The following ZRANB1 variants were observed in gnomAD, a reference collection of about 807,000 sequenced individuals.
ZRANB1 encodes the protein ubiquitin thioesterase ZRANB1.
Under a neutral mutation model 80.5 loss-of-function variants are expected in ZRANB1, and 16 were observed. The observed-to-expected ratio is 0.20, with a 90% CI of 0.13 to 0.30. The LOEUF (loss-of-function observed/expected upper bound fraction) is 0.30, where lower values mean the gene tolerates loss of function less well. ZRANB1 is among the 10% of genes least tolerant of loss of function. ZRANB1 has a pLI of 1.00. For synonymous variants in ZRANB1, 291 were observed against 293.1 expected (o/e 0.99, Z 0.07); for missense variants, 576 against 862.6 (o/e 0.67, Z 4.16).
chr10:124,972,557 T>C (rs1564965102), intron 3 of ZRANB1, among the ~76,000 whole-genome samples: 1 of 152,334 alleles, frequency 6.6e-6, no homozygotes, highest in Non-Finnish European at 1.5e-5. Context: ...AGTCAGGTTA[T>C]TTGAATTGAA....
At chr10:124,970,303 CTG>C (rs1951811812) in intron 2 of ZRANB1, among the ~76,000 whole-genome samples, 1 of 152,078 alleles carries the variant, frequency 6.6e-6, no homozygotes, top group Non-Finnish European at 1.5e-5. Context: ...GACTTTCTCT[CTG>C]TTGCCCAGGG....
chr10:124,952,919 T>C (rs1364315021), intron 1 of ZRANB1, among the ~76,000 whole-genome samples: 4 of 151,300 alleles, frequency 2.6e-5, no homozygotes, highest in African/African-American at 9.7e-5. Flanking sequence ...CCTAAACAAA[T>C]AGTATTTTTT....
intron 1 of ZRANB1, among the ~76,000 whole-genome samples, chr10:124,949,490 C>T (rs1483566128): frequency 7.5e-6 from 1 of 132,638 alleles, no homozygotes; most frequent in African/African-American, 3.6e-5. Flanking sequence ...TATATATATT[C>T]ACGTATACAC....
chr10:124,922,132 A>G, the ZRANB1 span, among the ~76,000 whole-genome samples: 1 of 151,090 alleles, frequency 6.6e-6, no homozygotes, highest in East Asian at 1.9e-4. Flanking sequence ...TTGTAGAGAC[A>G]AGATCTCTCT....
chr10:124,929,416 A>G, the ZRANB1 span, among the ~76,000 whole-genome samples: 422 of 151,440 alleles, frequency 2.8e-3, no homozygotes, highest in African/African-American at 9.9e-3. Context: ...GCTCACTGCA[A>G]CGTCCGTCTA....
rs866682310 is a variant in ZRANB1 at position 124,942,593 on chromosome 10, G to A, written c.100G>A (p.Gly34Arg). The change falls in exon 1 of 9, where the codon GGA (glycine) becomes AGA (arginine). Residue 34 changes from glycine (G) to arginine (R), a missense_variant. By Grantham distance (125) the Gly-to-Arg change is moderately radical. Coordinates refer to ENST00000359653, the MANE Select transcript of ZRANB1 (RefSeq NM_017580.3). ...TATGTGTCGTGCCCAAAGACCTAGTGGAACAATTATTACAGAAGATCCATT... is the reference window on the plus strand; with the variant it reads ...TATGTGTCGTGCCCAAAGACCTAGTAGAACAATTATTACAGAAGATCCATT... ...CTMCRAQRPSGTIITEDPFKS... is the reference protein window; with the variant it reads ...CTMCRAQRPSRTIITEDPFKS... 6.2e-7 allele frequency: 1 copy of A among 1,614,168 alleles called. No individual in the cohort carries two copies.
rs77078820 is a variant in ZRANB1 at position 124,983,328 on chromosome 10, T to C, written c.1678+24T>C. ...AGGTAAGCCATTATTCAGGAACGTT[T>C]TACAAGTTTCTTTGAACGGAATGGC... On this transcript the variant is annotated intron_variant, in intron 7 of 8. Transcript: ENST00000359653. The surrounding 1 kb of genome is among the most constrained non-coding windows in gnomAD (Gnocchi z 6.2). 2,129 of 1,611,946 alleles carry C rather than the reference T, an allele frequency of 1.3e-3. 44 individuals are homozygous for C. The East Asian group carries it at 0.041, about 31-fold the overall frequency.
intron 1 of ZRANB1, among the ~76,000 whole-genome samples, chr10:124,957,131 A>T (rs1951693259): frequency 6.7e-6 from 1 of 150,324 alleles, no homozygotes; most frequent in Admixed American, 6.6e-5. Context: ...CATTGTGTGT[A>T]GTTTTGTCTC....
the ZRANB1 span, among the ~76,000 whole-genome samples, chr10:124,919,182 G>A: frequency 1.3e-5 from 2 of 152,198 alleles, no homozygotes; most frequent in Admixed American, 1.3e-4. Context: ...TGCTTCATAT[G>A]TGTAATTGAT....
chr10:124,943,883 A>T (rs1457232344), intron 1 of ZRANB1, among the ~76,000 whole-genome samples: 1 of 152,240 alleles, frequency 6.6e-6, no homozygotes, highest in Non-Finnish European at 1.5e-5. Flanking sequence ...CTTTAGTCAG[A>T]TGTTAAAAAT....
intron 5 of ZRANB1, among the ~76,000 whole-genome samples, chr10:124,980,699 A>G (rs1401629521): frequency 1.3e-5 from 2 of 152,250 alleles, no homozygotes; most frequent in Non-Finnish European, 2.9e-5. Flanking sequence ...TAATTTCTTT[A>G]GGAAATATAT....
intron 1 of ZRANB1, chr10:124,945,203 C>G (rs1951569947): frequency 2.0e-5 from 3 of 152,140 alleles, no homozygotes; most frequent in African/African-American, 7.2e-5. Context: ...TTCATCATCC[C>G]AAAAGGAAAC....
chr10:124,947,897 G>A (rs1951598100), intron 1 of ZRANB1, among the ~76,000 whole-genome samples: 1 of 152,154 alleles, frequency 6.6e-6, no homozygotes, highest in Non-Finnish European at 1.5e-5. Context: ...CATCAGAGGA[G>A]CTAATTCTTC....
chr10:124,931,220 C>G, the ZRANB1 span, among the ~76,000 whole-genome samples: 1 of 152,036 alleles, frequency 6.6e-6, no homozygotes, highest in African/African-American at 2.4e-5. Context: ...AGGCGTGTGC[C>G]ACCATACCGG....
At chr10:124,980,834 C>T (rs1446133367) in intron 5 of ZRANB1, among the ~76,000 whole-genome samples, 1 of 152,068 alleles carries the variant, frequency 6.6e-6, no homozygotes, top group East Asian at 1.9e-4. Context: ...GTTTTGAATT[C>T]TGGACCTCAG....
At chr10:124,961,057 A>G (rs1187565880) in intron 1 of ZRANB1, among the ~76,000 whole-genome samples, 1 of 151,292 alleles carries the variant, frequency 6.6e-6, no homozygotes, top group Non-Finnish European at 1.5e-5. Context: ...GCTGGAGTGC[A>G]GTGGCGCAAT....
chr10:124,936,408 A>G, the ZRANB1 span, among the ~76,000 whole-genome samples: 2 of 152,210 alleles, frequency 1.3e-5, no homozygotes, highest in African/African-American at 4.8e-5. Flanking sequence ...ATTTAAGGTG[A>G]TTCTGAGTTC....
At chr10:124,927,493 A>G in the ZRANB1 span, among the ~76,000 whole-genome samples, 1 of 152,102 alleles carries the variant, frequency 6.6e-6, no homozygotes, top group East Asian at 1.9e-4. Flanking sequence ...TTGGTATTTA[A>G]TGGAGCTAAA....
At chr10:124,945,885 C>T (rs1951577935) in intron 1 of ZRANB1, 1 of 152,180 alleles carries the variant, frequency 6.6e-6, no homozygotes, top group Non-Finnish European at 1.5e-5. Context: ...TTCCTAAGCT[C>T]AAGCCATCCG....
Sources: allele counts gnomAD v4.1 joint callset (sites outside exome capture counted in the v4.1 genomes callset), GRCh38; gene constraint gnomAD v4.1.1; non-coding constraint Gnocchi (gnomAD v3.1); transcripts MANE v1.5; gene names NCBI Gene and HGNC (gene_info 2026-07-23, HGNC 2026-07-21).